RIMKLA: variants seen among roughly 807,000 people sequenced by gnomAD.
The protein encoded by RIMKLA is N-acetylaspartylglutamate synthase A.
Under a neutral mutation model 32.7 loss-of-function variants are expected in RIMKLA, and 14 were observed. That is an observed-to-expected ratio of 0.43 (90% CI 0.28 to 0.67). The LOEUF (loss-of-function observed/expected upper bound fraction) is 0.67, where lower values mean the gene tolerates loss of function less well. Among genes scored for constraint, RIMKLA ranks in the 30% least tolerant of loss-of-function variants. The pLI is 0.18. For synonymous variants in RIMKLA, 176 were observed against 204.1 expected (o/e 0.86, Z 1.18); for missense variants, 410 against 519.0 (o/e 0.79, Z 2.04).
intron 2 of RIMKLA, among the ~76,000 whole-genome samples, chr1:42,400,879 A>G (rs1194850423): frequency 6.6e-6 from 1 of 152,180 alleles, no homozygotes; most frequent in Non-Finnish European, 1.5e-5. Context: ...GGGAGAGTGT[A>G]TGTAGGAAGA....
rs949734308 is a variant in RIMKLA at position 42,417,558 on chromosome 1, T to C, written c.*2584T>C. ...ACTCAGATAGAGAAAATGCCTCCTT[T>C]GTTTACCTCTTTGAAGCTGAAGTAA... is the stretch of plus-strand genomic sequence containing the variant. On this transcript the variant is annotated 3_prime_UTR_variant, in exon 5 of 5. Transcript: ENST00000431473. 7 of 152,228 alleles carry C rather than the reference T, an allele frequency of 4.6e-5. No individual in the cohort carries two copies. Among genetic ancestry groups the C allele is most frequent in the Non-Finnish European group, 8.8e-5 (6 of 68,044 alleles). The allele number at this position is 152,228 out of a possible 1,614,324, so 9.4% of individuals were successfully genotyped here.
At position 42,420,785 on chromosome 1, in the gene RIMKLA, G is replaced by A. The variant is rs1643289147; in HGVS notation, c.*5811G>A. 6.6e-6 allele frequency: 1 copy of A among 152,324 alleles called. No homozygotes were observed. Among genetic ancestry groups the A allele is most frequent in the Non-Finnish European group, 1.5e-5 (1 of 68,058 alleles). 9.4% of individuals were successfully genotyped at this position (152,324 alleles called of 1,614,324 possible). A position where few individuals can be genotyped will look rare whatever the true frequency, so the allele number is the denominator to read the frequency against. On this transcript the variant is annotated 3_prime_UTR_variant, in exon 5 of 5. Coordinates refer to ENST00000431473, the MANE Select transcript of RIMKLA (RefSeq NM_173642.4). ...GCTAATGTGAATGGTACTAGTCTGAGTCAGATCCAGTTCAAATCCAGGTAA... is the reference window on the plus strand; with the variant it reads ...GCTAATGTGAATGGTACTAGTCTGAATCAGATCCAGTTCAAATCCAGGTAA...
intron 2 of RIMKLA, among the ~76,000 whole-genome samples, chr1:42,403,554 A>AT (rs928254269): frequency 2.0e-5 from 3 of 152,264 alleles, no homozygotes; most frequent in South Asian, 2.1e-4. Flanking sequence ...CGTTATTCAT[A>AT]TTTTTTTAAA....
chr1:42,410,213 A>AT, intron 4 of RIMKLA, 26 bp downstream of exon 4: 1 of 1,603,804 alleles, frequency 6.2e-7, no homozygotes, highest in Non-Finnish European at 8.5e-7. Flanking sequence ...ACAGGGTTTT[A>AT]TTAGGGTATT....
chr1:42,407,250 T>A (rs765023739), intron 3 of RIMKLA, among the ~76,000 whole-genome samples: 2 of 152,222 alleles, frequency 1.3e-5, no homozygotes, highest in Non-Finnish European at 2.9e-5. Context: ...TAACAACATG[T>A]TTGAACATGT....
At chr1:42,412,864 G>A (rs1047963453) in intron 4 of RIMKLA, 1 of 251,838 alleles carries the variant, frequency 4.0e-6, no homozygotes, top group Non-Finnish European at 7.7e-6. Flanking sequence ...GGCCAGGTGT[G>A]GTGGCTTACC....
At position 42,410,033 on chromosome 1, in the gene RIMKLA, C is replaced by A. The variant is rs888217881; in HGVS notation, c.531C>A (p.Cys177Ter). Residue 177 changes from cysteine to a stop codon, truncating the protein, a stop_gained, in exon 4 of 5, where the codon TGC becomes TGA. Transcript: ENST00000431473. LOFTEE classifies it high-confidence loss of function. ...ARDKHHLSDI[C>*]HLIRHDVPYL... ...ATAAACATCACCTCTCTGACATCTG[C>A]CATCTGATCCGCCACGATGTGCCCT... The A allele has an allele frequency of 5.0e-6, 8 of 1,614,012 alleles. No homozygotes were observed. Among genetic ancestry groups the A allele is most frequent in the African/African-American group, 4.0e-5 (3 of 74,914 alleles).
intron 4 of RIMKLA, chr1:42,412,491 T>C: frequency 2.4e-6 from 1 of 414,282 alleles, no homozygotes; most frequent in South Asian, 1.9e-5. Context: ...AGGTTGTCAG[T>C]ACAGTGAAAC....
rs188307059 is a variant in RIMKLA at position 42,394,727 on chromosome 1, C to T, written c.164-4677C>T. On this transcript the variant is annotated intron_variant, in intron 1 of 4. Transcript: ENST00000431473. Reference sequence around the variant, plus strand: ...CTATTGCACATACAAATGCGTAAGTCCAGTTATGAAGATTTTTTTTTTTTT... The same window carrying T: ...CTATTGCACATACAAATGCGTAAGTTCAGTTATGAAGATTTTTTTTTTTTT... Among the ~76,000 whole-genome samples the T allele has an allele frequency of 2.0e-5, 3 of 151,960 alleles. No individual in the cohort carries two copies. The East Asian group carries it at 5.8e-4, about 29-fold the overall frequency.
At chr1:42,404,453 G>A (rs1643127083) in intron 2 of RIMKLA, 58 bp from the exon 3 acceptor site, 1 of 1,162,170 alleles carries the variant, frequency 8.6e-7, no homozygotes, top group African/African-American at 1.5e-5. Flanking sequence ...GCGGGGCTGG[G>A]GTGACCGCTA....
At chr1:42,393,356 C>T (rs544080813) in intron 1 of RIMKLA, among the ~76,000 whole-genome samples, 4 of 152,204 alleles carry the variant, frequency 2.6e-5, no homozygotes, top group Non-Finnish European at 5.9e-5. Flanking sequence ...AGTTGTGTAT[C>T]TTTCTCTGTG....
At chr1:42,386,562 T>A (rs1410738217) in intron 1 of RIMKLA, among the ~76,000 whole-genome samples, 1 of 145,764 alleles carries the variant, frequency 6.9e-6, no homozygotes, top group African/African-American at 2.6e-5. Flanking sequence ...AAATTTTTTA[T>A]AGAGACCCTG....
intron 1 of RIMKLA, chr1:42,396,299 TA>T (rs1258093025): frequency 6.6e-6 from 1 of 152,064 alleles, no homozygotes; most frequent in African/African-American, 2.4e-5. Flanking sequence ...AGATTGTGAT[TA>T]GTTTTGCAAC....
intron 2 of RIMKLA, among the ~76,000 whole-genome samples, chr1:42,402,611 G>A (rs1249282430): frequency 1.4e-5 from 2 of 142,722 alleles, no homozygotes; most frequent in Non-Finnish European, 3.0e-5. Flanking sequence ...TTTTTTTTGA[G>A]ACAGGGTTCT....
chr1:42,403,136 A>G (rs1339301461), intron 2 of RIMKLA, among the ~76,000 whole-genome samples: 1 of 152,060 alleles, frequency 6.6e-6, no homozygotes, highest in East Asian at 1.9e-4. Context: ...CAAGCATTGA[A>G]CCTCCCTCTC....
intron 1 of RIMKLA, among the ~76,000 whole-genome samples, chr1:42,385,890 C>CT (rs1274350660): frequency 5.3e-5 from 5 of 95,194 alleles, no homozygotes; most frequent in African/African-American, 1.9e-4. Context: ...TTCTTTCTTT[C>CT]TTTCTTTCCT....
In RIMKLA at chr1:42,404,570, G is replaced by A. The variant is rs760622156; in HGVS notation, c.454G>A (p.Val152Met). ...AGCTGAGCCCCTGGGCTACCCAGTCGTGGTGAAGAGCACACGAGGCCACCG... is the reference window on the plus strand; with the variant it reads ...AGCTGAGCCCCTGGGCTACCCAGTCATGGTGAAGAGCACACGAGGCCACCG... ...DEAEPLGYPV[V>M]VKSTRGHRGK... Residue 152 changes from valine (V) to methionine (M), a missense_variant, in exon 3 of 5, where the codon GTG (valine) becomes ATG (methionine). Val to Met is a conservative substitution (Grantham distance 21). Coordinates refer to ENST00000431473, the MANE Select transcript of RIMKLA (RefSeq NM_173642.4). 6.2e-6 allele frequency: 10 copies of A among 1,613,346 alleles called. No individual in the cohort carries two copies. The highest frequency in any genetic ancestry group is 6.8e-6 in the Non-Finnish European group (8 of 1,179,712).
chr1:42,381,146 G>C (rs1642884615), intron 1 of RIMKLA, 49 bp downstream of exon 1: 1 of 1,236,384 alleles, frequency 8.1e-7, no homozygotes, highest in African/African-American at 1.6e-5. Context: ...CGGGGTCCAC[G>C]AGAGCCGGTC....
chr1:42,409,201 C>CAAAAAA lies in RIMKLA; in HGVS notation c.482-758_482-753dup, dbSNP rs59543497. On this transcript the variant is annotated intron_variant, in intron 3 of 4. Coordinates refer to ENST00000431473, the MANE Select transcript of RIMKLA (RefSeq NM_173642.4). ...TGGGTGACAGAGCGAGACTCTGTCT[C>CAAAAAA]AAAAAAAAAAAAAAAAAAAAAAAAA... Among the ~76,000 whole-genome samples the CAAAAAA allele has an allele frequency of 5.0e-4, 32 of 64,496 alleles. 1 individual carries two copies. The highest frequency in any genetic ancestry group is 2.0e-3 in the African/African-American group (29 of 14,848). 42.3% of individuals were successfully genotyped at this position (64,496 alleles called of 152,430 possible).
Sources: allele counts gnomAD v4.1 joint callset (sites outside exome capture counted in the v4.1 genomes callset), GRCh38; gene constraint gnomAD v4.1.1; transcripts MANE v1.5; gene names NCBI Gene and HGNC (gene_info 2026-07-23, HGNC 2026-07-21).